CHCHD3: variants seen among roughly 807,000 people sequenced by gnomAD.
CHCHD3 encodes the protein coiled-coil-helix-coiled-coil-helix domain containing 3.
In CHCHD3, 20 loss-of-function variants were observed where a neutral mutation model predicts 38.2. The observed-to-expected ratio is 0.52, with a 90% CI of 0.37 to 0.76. The LOEUF (loss-of-function observed/expected upper bound fraction) is 0.76. Ranked by LOEUF, CHCHD3 falls within the 30% of genes least tolerant of loss-of-function variation. CHCHD3 has a pLI of 0.00. For synonymous variants in CHCHD3, 82 were observed against 100.0 expected, an observed-to-expected ratio of 0.82 and a Z score of 1.07; for missense variants, 245 against 279.2, an observed-to-expected ratio of 0.88 and a Z score of 0.87.
intron 3 of CHCHD3, among the ~76,000 whole-genome samples, chr7:132,979,573 G>C (rs1037714994): frequency 6.6e-6 from 1 of 152,054 alleles, no homozygotes; most frequent in African/African-American, 2.4e-5. Flanking sequence ...TGGGGAAGGA[G>C]AAAGTGTCTT....
At chr7:132,914,759 A>T (rs1810058558) in intron 4 of CHCHD3, among the ~76,000 whole-genome samples, 1 of 152,232 alleles carries the variant, frequency 6.6e-6, no homozygotes, top group Non-Finnish European at 1.5e-5. Context: ...CAGTGGGAGG[A>T]CAGGGACTCT....
At chr7:132,887,045 T>TC in intron 4 of CHCHD3, 2 of 977,500 alleles carry the variant, frequency 2.0e-6, no homozygotes, top group South Asian at 4.5e-5. Context: ...TACTGTTTTT[T>TC]CCTAATTTCA....
At chr7:133,054,212 T>C (rs1814247680) in intron 2 of CHCHD3, among the ~76,000 whole-genome samples, 1 of 152,226 alleles carries the variant, frequency 6.6e-6, no homozygotes, top group Non-Finnish European at 1.5e-5. Context: ...TATTACTCCA[T>C]GAAGACAAAC....
intron 4 of CHCHD3, chr7:132,972,541 G>A (rs1480323780): frequency 1.0e-5 from 10 of 953,094 alleles, no homozygotes; most frequent in Admixed American, 6.2e-5. Context: ...GAATATGTAT[G>A]TCTTCCATAA....
intron 2 of CHCHD3, among the ~76,000 whole-genome samples, chr7:133,055,102 A>G (rs1814278909): frequency 6.6e-6 from 1 of 152,044 alleles, no homozygotes; most frequent in Admixed American, 6.6e-5. Flanking sequence ...AGGTGGGAGT[A>G]TCACTTGAAC....
chr7:132,951,240 T>C (rs1025842890), intron 4 of CHCHD3, among the ~76,000 whole-genome samples: 2 of 152,164 alleles, frequency 1.3e-5, no homozygotes, highest in Non-Finnish European at 2.9e-5. Context: ...CATCAACTAG[T>C]GGGTCTCCAA....
intron 4 of CHCHD3, among the ~76,000 whole-genome samples, chr7:132,923,419 A>G (rs1810305785): frequency 6.6e-6 from 1 of 152,196 alleles, no homozygotes; most frequent in Admixed American, 6.5e-5. Context: ...AGACATAGAT[A>G]AAAGTAAATA....
At chr7:132,975,573 G>A (rs1177768471) in intron 3 of CHCHD3, among the ~76,000 whole-genome samples, 1 of 152,008 alleles carries the variant, frequency 6.6e-6, no homozygotes, top group Non-Finnish European at 1.5e-5. Flanking sequence ...ATTAAAATCT[G>A]CCCACCAAAA....
At chr7:132,987,652 C>T (rs920847825) in intron 3 of CHCHD3, among the ~76,000 whole-genome samples, 1 of 152,112 alleles carries the variant, frequency 6.6e-6, no homozygotes, top group African/African-American at 2.4e-5. Flanking sequence ...TCCAAGACTA[C>T]AAATGACTTA....
intron 5 of CHCHD3, 93 bp downstream of exon 5, chr7:132,885,569 A>G: frequency 1.0e-6 from 1 of 993,936 alleles, no homozygotes; most frequent in South Asian, 1.7e-5. Context: ...CAACCAGGAA[A>G]AGCAGTTGAA....
chr7:132,886,892 G>A, intron 4 of CHCHD3: 1 of 854,078 alleles, frequency 1.2e-6, no homozygotes. Context: ...TGTTTCAGAT[G>A]TCAAGGTGCC....
chr7:133,030,688 T>C (rs544140308), intron 2 of CHCHD3, among the ~76,000 whole-genome samples: 3 of 152,360 alleles, frequency 2.0e-5, no homozygotes, highest in East Asian at 1.9e-4. Flanking sequence ...TTTCTTTCCA[T>C]ACTTGTATAG....
chr7:133,015,407 A>C (rs890525685), intron 3 of CHCHD3, among the ~76,000 whole-genome samples: 12 of 151,890 alleles, frequency 7.9e-5, no homozygotes, highest in Non-Finnish European at 1.8e-4. Flanking sequence ...CCTACACAAC[A>C]AAAAGAATAT....
chr7:132,799,703 AGTCAACCT>A (rs1278243138), intron 6 of CHCHD3, among the ~76,000 whole-genome samples: 1 of 152,242 alleles, frequency 6.6e-6, no homozygotes, highest in Admixed American at 6.5e-5. Flanking sequence ...GGTGGAATAG[AGTCAACCT>A]TTGAAAATAT....
At chr7:132,841,138 T>C (rs191410140) in intron 5 of CHCHD3, among the ~76,000 whole-genome samples, 206 of 152,318 alleles carry the variant, frequency 1.4e-3, no homozygotes, top group African/African-American at 4.6e-3. Flanking sequence ...TCAAGATCTA[T>C]GTGTAGACAG....
chr7:132,975,762 C>A (rs1205141871), intron 3 of CHCHD3, among the ~76,000 whole-genome samples: 1 of 152,078 alleles, frequency 6.6e-6, no homozygotes, highest in Non-Finnish European at 1.5e-5. Context: ...GAAACCCCGT[C>A]TCTACTAAAA....
intron 5 of CHCHD3, among the ~76,000 whole-genome samples, chr7:132,879,500 C>T (rs1467474483): frequency 6.6e-6 from 1 of 151,858 alleles, no homozygotes; most frequent in East Asian, 1.9e-4. Context: ...TATCAAAGAG[C>T]TCAAGTCTTC....
At chr7:132,787,005 T>G (rs1279499620) in intron 7 of CHCHD3, among the ~76,000 whole-genome samples, 2 of 152,138 alleles carry the variant, frequency 1.3e-5, no homozygotes, top group Non-Finnish European at 2.9e-5. Context: ...CAGGGAAGGC[T>G]TCTCCAAGGA....
intron 3 of CHCHD3, among the ~76,000 whole-genome samples, chr7:133,022,748 A>T (rs1365711445): frequency 6.6e-6 from 1 of 151,732 alleles, no homozygotes. Flanking sequence ...ACCCCATTCC[A>T]CCTGAGATAT....
Sources: gnomAD v4.1 joint callset for allele counts (sites outside exome capture counted in the v4.1 genomes callset) on GRCh38, gnomAD v4.1.1 for gene constraint, MANE v1.5 for transcripts, NCBI Gene and HGNC (gene_info 2026-07-23, HGNC 2026-07-21) for gene names.